SEMA5A: variants seen among roughly 807,000 people sequenced by gnomAD.
SEMA5A encodes semaphorin-5A.
Under a neutral mutation model 135.5 loss-of-function variants are expected in SEMA5A, and 55 were observed. That is an observed-to-expected ratio of 0.41 (90% CI 0.33 to 0.51). The LOEUF is 0.51. SEMA5A is among the 20% of genes least tolerant of loss of function. The probability of loss-of-function intolerance (pLI) is 0.37; values close to 1 mark genes in which losing one functional copy is unlikely to be tolerated. For missense variants in SEMA5A, 1,290 were observed against 1,419.9 expected (o/e 0.91, Z 1.47); for synonymous variants, 580 against 546.5 (o/e 1.06, Z -0.85).
intron 1 of SEMA5A, among the ~76,000 whole-genome samples, chr5:9,532,884 C>T (rs1217693275): frequency 1.3e-5 from 2 of 152,150 alleles, no homozygotes; most frequent in Non-Finnish European, 2.9e-5. Flanking sequence ...ATACAATAAA[C>T]ATGTCCTTGG....
chr5:9,455,469 GAC>G (rs965647275), intron 1 of SEMA5A, among the ~76,000 whole-genome samples: 50 of 151,882 alleles, frequency 3.3e-4, no homozygotes, highest in African/African-American at 1.2e-3. Context: ...TGTTAGCAAG[GAC>G]AGTCTCAATC....
intron 2 of SEMA5A, among the ~76,000 whole-genome samples, chr5:9,435,268 C>T (rs1757990013): frequency 1.3e-5 from 2 of 152,258 alleles, no homozygotes; most frequent in South Asian, 4.1e-4. Context: ...AGGGTGCAAA[C>T]TAACAGTGTC....
chr5:9,114,494 AAACTT>A (rs1300214405), intron 15 of SEMA5A, among the ~76,000 whole-genome samples: 1 of 152,186 alleles, frequency 6.6e-6, no homozygotes, highest in African/African-American at 2.4e-5. Context: ...AGCACAGTAA[AAACTT>A]AAAAAGTAAA....
intron 16 of SEMA5A, among the ~76,000 whole-genome samples, chr5:9,078,330 T>A (rs2150096803): frequency 6.6e-6 from 1 of 152,320 alleles, no homozygotes; most frequent in African/African-American, 2.4e-5. Context: ...TGTTTAAACA[T>A]ACTATAAGTG....
chr5:9,407,201 G>A (rs1032663782), intron 2 of SEMA5A, among the ~76,000 whole-genome samples: 9 of 152,186 alleles, frequency 5.9e-5, no homozygotes, highest in Admixed American at 5.2e-4. Flanking sequence ...GACCACTGCT[G>A]TATACAAAGA....
At chr5:9,288,565 G>A (rs551647231) in intron 5 of SEMA5A, among the ~76,000 whole-genome samples, 1 of 152,322 alleles carries the variant, frequency 6.6e-6, no homozygotes, top group East Asian at 1.9e-4. Context: ...GCCAGCAGGA[G>A]TTCACTTTCT....
chr5:9,106,771 A>G (rs539995069), intron 16 of SEMA5A, among the ~76,000 whole-genome samples: 1 of 152,380 alleles, frequency 6.6e-6, no homozygotes, highest in Non-Finnish European at 1.5e-5. Flanking sequence ...AGCATCTGAA[A>G]TATCAATAAA....
chr5:9,193,634 T>C (rs1745230275), intron 10 of SEMA5A, among the ~76,000 whole-genome samples: 1 of 152,092 alleles, frequency 6.6e-6, no homozygotes, highest in South Asian at 2.1e-4. Flanking sequence ...GGGCGGTGGC[T>C]CACATCTGTA....
At chr5:9,060,503 C>T (rs1312860267) in intron 18 of SEMA5A, among the ~76,000 whole-genome samples, 2 of 152,060 alleles carry the variant, frequency 1.3e-5, no homozygotes, top group East Asian at 1.9e-4. Flanking sequence ...AGCATGGACC[C>T]GAATCTAGTG....
At position 9,303,324 on chromosome 5, in the gene SEMA5A, G is replaced by C. The variant is rs568748716; in HGVS notation, c.270+15048C>G. On this transcript the variant is annotated intron_variant, in intron 5 of 22. Coordinates refer to ENST00000382496, the MANE Select transcript of SEMA5A (RefSeq NM_003966.3). ...GTAGAGGTGGGGTTTCACCGTGTTA[G>C]CCAGGATGGTCTCAATCTCCTAACC... is the stretch of plus-strand genomic sequence containing the variant. 4.6e-5 allele frequency among the ~76,000 whole-genome samples: 7 copies of C among 152,100 alleles called. No individual in the cohort carries two copies. In the East Asian group the frequency reaches 1.2e-3, roughly 25 times the overall value.
At chr5:9,436,920 A>G (rs1758051948) in intron 2 of SEMA5A, among the ~76,000 whole-genome samples, 1 of 151,334 alleles carries the variant, frequency 6.6e-6, no homozygotes, top group African/African-American at 2.4e-5. Flanking sequence ...GATCCAAACA[A>G]GCACGATTCG....
chr5:9,141,529 A>G (rs1323527388), intron 12 of SEMA5A, among the ~76,000 whole-genome samples: 5 of 152,182 alleles, frequency 3.3e-5, no homozygotes, highest in African/African-American at 1.2e-4. Flanking sequence ...CTGAATTTAG[A>G]TAAAAATGTT....
chr5:9,387,899 A>G (rs1755966802), intron 2 of SEMA5A, among the ~76,000 whole-genome samples: 1 of 152,174 alleles, frequency 6.6e-6, no homozygotes, highest in Non-Finnish European at 1.5e-5. Context: ...TTCAATTTTT[A>G]TAGTGCACTT....
chr5:9,308,213 C>A (rs777403494), intron 5 of SEMA5A, among the ~76,000 whole-genome samples: 1 of 152,166 alleles, frequency 6.6e-6, no homozygotes, highest in Non-Finnish European at 1.5e-5. Flanking sequence ...GACACTGTAT[C>A]CCTGGCTGCT....
chr5:9,482,802 G>A (rs1759925773), intron 1 of SEMA5A, among the ~76,000 whole-genome samples: 2 of 152,208 alleles, frequency 1.3e-5, no homozygotes, highest in Admixed American at 6.5e-5. Context: ...CAGGGGCCTG[G>A]TGCCCACTTC....
intron 2 of SEMA5A, among the ~76,000 whole-genome samples, chr5:9,404,817 G>A (rs982996268): frequency 1.3e-5 from 2 of 152,184 alleles, no homozygotes; most frequent in African/African-American, 4.8e-5. Context: ...CAGGTGGACT[G>A]TCTCAGGTGA....
At chr5:9,136,990 T>C (rs1260359742) in intron 12 of SEMA5A, among the ~76,000 whole-genome samples, 1 of 152,208 alleles carries the variant, frequency 6.6e-6, no homozygotes, top group Non-Finnish European at 1.5e-5. Flanking sequence ...GCCTCCTCTT[T>C]ACAACATGTA....
At chr5:9,107,827 A>T (rs985267812) in intron 16 of SEMA5A, among the ~76,000 whole-genome samples, 1 of 152,178 alleles carries the variant, frequency 6.6e-6, no homozygotes, top group African/African-American at 2.4e-5. Flanking sequence ...CAGAAGATCC[A>T]GTGTGTGAGA....
In SEMA5A at chr5:9,372,007, C is replaced by T. The variant is rs145438651; in HGVS notation, c.124+7816G>A. 2.3e-3 allele frequency among the ~76,000 whole-genome samples: 352 copies of T among 152,304 alleles called. 3 individuals are homozygous for T. The highest frequency in any genetic ancestry group is 7.8e-3 in the African/African-American group (325 of 41,568). On this transcript the variant is annotated intron_variant, in intron 3 of 22. Transcript: ENST00000382496. ...CTAATTAAAATAAATGTTCTTAATT[C>T]CTCCTTGGAGAAAGTAGGACATTAT...
Sources: allele counts gnomAD v4.1 joint callset (sites outside exome capture counted in the v4.1 genomes callset), GRCh38; gene constraint gnomAD v4.1.1; transcripts MANE v1.5; gene names NCBI Gene and HGNC (gene_info 2026-07-23, HGNC 2026-07-21).